TEX2: variants seen among roughly 807,000 people sequenced by gnomAD.
TEX2 encodes testis expressed 2, also known as testis-expressed protein 2.
TEX2 carries 53 observed loss-of-function variants against 106.9 expected under a neutral mutation model. The observed-to-expected ratio is 0.50, with a 90% confidence interval of 0.40 to 0.62. TEX2 has a LOEUF of 0.62. Ranked by LOEUF, TEX2 falls within the 20% of genes least tolerant of loss-of-function variation. The pLI, the probability that TEX2 is intolerant of heterozygous loss-of-function variation, is 0.00. For synonymous variants in TEX2, 523 were observed against 534.8 expected (o/e 0.98, Z 0.30); for missense variants, 1,207 against 1,379.0 (o/e 0.88, Z 1.98).
chr17:64,192,941 A>G (rs1235985658), intron 4 of TEX2, among the ~76,000 whole-genome samples: 4 of 152,104 alleles, frequency 2.6e-5, no homozygotes, highest in Non-Finnish European at 2.9e-5. Context: ...GTTACACCAC[A>G]CTCATTTTAG....
chr17:64,259,731 G>C (rs1450590183), intron 1 of TEX2, among the ~76,000 whole-genome samples: 1 of 152,134 alleles, frequency 6.6e-6, no homozygotes, highest in Admixed American at 6.6e-5. Context: ...CTGTTATTGG[G>C]TGCTCACTAG....
intron 5 of TEX2, among the ~76,000 whole-genome samples, chr17:64,178,133 G>A (rs1039792407): frequency 2.6e-5 from 4 of 152,130 alleles, no homozygotes; most frequent in Admixed American, 6.5e-5. Context: ...CACCAATCTC[G>A]GCCCAGCGAA....
intron 1 of TEX2, among the ~76,000 whole-genome samples, chr17:64,241,692 C>G (rs943394682): frequency 6.6e-6 from 1 of 152,034 alleles, no homozygotes; most frequent in Non-Finnish European, 1.5e-5. Context: ...GGAGTGCACT[C>G]GTGCGATCAT....
At chr17:64,248,163 A>G (rs782643491) in intron 1 of TEX2, among the ~76,000 whole-genome samples, 1 of 152,224 alleles carries the variant, frequency 6.6e-6, no homozygotes, top group Non-Finnish European at 1.5e-5. Context: ...AAAACAAACT[A>G]TAACTGCAAA....
At chr17:64,186,618 A>G (rs933265050) in intron 5 of TEX2, among the ~76,000 whole-genome samples, 3 of 152,188 alleles carry the variant, frequency 2.0e-5, no homozygotes, top group Admixed American at 6.5e-5. Flanking sequence ...GGAGTTCAAG[A>G]CCAGACTGGG....
At position 64,208,711 on chromosome 17, in the gene TEX2, A is replaced by G. The variant is rs368860544; in HGVS notation, c.1644+3863T>C. 5.9e-5 allele frequency among the ~76,000 whole-genome samples: 9 copies of G among 152,136 alleles called. No homozygotes were observed. In the East Asian group the frequency reaches 1.4e-3, roughly 23 times the overall value. The stretch of plus-strand genomic sequence containing the variant: ...GTTATCATGGCTCACTGCAGCTTCA[A>G]ACTCCTGGACTCAAGTGATCCTCCC... On this transcript the variant is annotated intron_variant, in intron 2 of 11. Coordinates refer to ENST00000584379, the MANE Select transcript of TEX2 (RefSeq NM_001288732.2).
intron 4 of TEX2, among the ~76,000 whole-genome samples, chr17:64,193,088 G>A (rs2032352195): frequency 6.6e-6 from 1 of 152,212 alleles, no homozygotes; most frequent in African/African-American, 2.4e-5. Context: ...GCTGAGCAAA[G>A]AGGTGCTGCA....
Position 64,148,623 on chromosome 17 carries a change from G to A in TEX2, c.*346C>T, listed in dbSNP as rs965161937. 13 of 213,672 alleles carry A rather than the reference G, an allele frequency of 6.1e-5. No homozygotes were observed. Among genetic ancestry groups the A allele is most frequent in the Middle Eastern group, 1.7e-3 (1 of 596 alleles). The allele number at this position is 213,672 out of a possible 1,614,324, so 13.2% of individuals were successfully genotyped here. On this transcript the variant is annotated 3_prime_UTR_variant, in exon 12 of 12. Coordinates refer to ENST00000584379, the MANE Select transcript of TEX2 (RefSeq NM_001288732.2). Reference sequence around the variant, plus strand: ...AGAAAAGCTTTGGAGGAGTAGAGGAGGCAAGTTGTTCAGCTTTGCTCTTAC... The same window carrying A: ...AGAAAAGCTTTGGAGGAGTAGAGGAAGCAAGTTGTTCAGCTTTGCTCTTAC...
At chr17:64,165,200 T>A (rs1047900916) in intron 7 of TEX2, among the ~76,000 whole-genome samples, 3 of 152,230 alleles carry the variant, frequency 2.0e-5, no homozygotes, top group Non-Finnish European at 4.4e-5. Flanking sequence ...AACACACCAG[T>A]GACTGTTGTG....
intron 6 of TEX2, among the ~76,000 whole-genome samples, chr17:64,173,682 C>T (rs972006940): frequency 6.6e-6 from 1 of 152,112 alleles, no homozygotes; most frequent in Non-Finnish European, 1.5e-5. Flanking sequence ...GCCTCTCTAC[C>T]AACCTATAAA....
chr17:64,254,523 C>T (rs1416621627), intron 1 of TEX2, among the ~76,000 whole-genome samples: 1 of 152,180 alleles, frequency 6.6e-6, no homozygotes, highest in African/African-American at 2.4e-5. Flanking sequence ...GTTGCACTAA[C>T]CACCTTTCAA....
intron 1 of TEX2, among the ~76,000 whole-genome samples, chr17:64,260,451 T>C (rs1214235731): frequency 2.5e-5 from 3 of 121,394 alleles, no homozygotes; most frequent in East Asian, 2.4e-4. Flanking sequence ...TTACAAGATG[T>C]GAGCCACTGT....
intron 1 of TEX2, among the ~76,000 whole-genome samples, chr17:64,250,556 C>T (rs2034070104): frequency 6.6e-6 from 1 of 152,198 alleles, no homozygotes; most frequent in Non-Finnish European, 1.5e-5. Flanking sequence ...TCACCTTATA[C>T]AAACATCTGC....
chr17:64,248,469 C>A (rs900525809), intron 1 of TEX2, among the ~76,000 whole-genome samples: 2 of 152,200 alleles, frequency 1.3e-5, no homozygotes, highest in East Asian at 3.8e-4. Flanking sequence ...TGACAGTCCC[C>A]AAGCATAGCC....
intron 1 of TEX2, among the ~76,000 whole-genome samples, chr17:64,227,484 GA>G (rs1241484133): frequency 2.0e-5 from 3 of 151,784 alleles, no homozygotes; most frequent in African/African-American, 4.8e-5. Context: ...TTGTGATCTG[GA>G]AAAAAAATTA....
chr17:64,147,492 C>T lies in TEX2; in HGVS notation c.*1477G>A, dbSNP rs1418343336. ...AACAATGCAAGCGATTTTAAATCCC[C>T]ACATACTATTTGATTAAGTGCAACA... On this transcript the variant is annotated 3_prime_UTR_variant, in exon 12 of 12. Transcript: ENST00000584379. 2.6e-5 allele frequency: 4 copies of T among 152,146 alleles called. No homozygotes were observed. The highest frequency in any genetic ancestry group is 5.9e-5 in the Non-Finnish European group (4 of 68,028). 9.4% of individuals were successfully genotyped at this position (152,146 alleles called of 1,614,324 possible). A position where few individuals can be genotyped will look rare whatever the true frequency, so the allele number is the denominator to read the frequency against.
chr17:64,248,466 C>A (rs1555636521), intron 1 of TEX2, among the ~76,000 whole-genome samples: 1 of 152,170 alleles, frequency 6.6e-6, no homozygotes, highest in African/African-American at 2.4e-5. Context: ...CAGTGACAGT[C>A]CCCAAGCATA....
At chr17:64,234,694 T>C (rs969196452) in intron 1 of TEX2, among the ~76,000 whole-genome samples, 15 of 152,298 alleles carry the variant, frequency 9.8e-5, no homozygotes, top group African/African-American at 3.6e-4. Flanking sequence ...CGGCACTTCA[T>C]ACACTGTCAA....
rs183746559 is a variant in TEX2 at position 64,219,314 on chromosome 17, T to G, written c.-25-5072A>C. Among the ~76,000 whole-genome samples the G allele has an allele frequency of 2.6e-4, 40 of 152,164 alleles. 1 individual carries two copies. The highest frequency in any genetic ancestry group is 6.2e-4 in the South Asian group (3 of 4,804). On this transcript the variant is annotated intron_variant, in intron 1 of 11. Coordinates refer to ENST00000584379, the MANE Select transcript of TEX2 (RefSeq NM_001288732.2). ...TGAGGTCAGGAATTCGAGACCAGCC[T>G]GGCCAACATGGCAAAACCTCATCTC...
Sources: allele counts gnomAD v4.1 joint callset (sites outside exome capture counted in the v4.1 genomes callset), GRCh38; gene constraint gnomAD v4.1.1; transcripts MANE v1.5; gene names NCBI Gene and HGNC (gene_info 2026-07-23, HGNC 2026-07-21).